USP31: variants seen among roughly 807,000 people sequenced by gnomAD.
USP31 encodes the protein ubiquitin carboxyl-terminal hydrolase 31.
In USP31, 44 loss-of-function variants were observed where a neutral mutation model predicts 119.4. The observed-to-expected ratio is 0.37, with a 90% CI of 0.29 to 0.47. USP31 has a LOEUF of 0.47. USP31 is among the 20% of genes least tolerant of loss of function. The pLI is 0.99. For missense variants in USP31, 1,643 were observed against 1,730.2 expected (o/e 0.95, Z 0.89); for synonymous variants, 749 against 705.6 (o/e 1.06, Z -0.97).
At position 23,068,163 on chromosome 16, in the gene USP31, G is replaced by A; in HGVS notation, c.3942C>T (p.Ser1314=). The A allele has an allele frequency of 6.2e-7, 1 of 1,614,180 alleles. No homozygotes were observed. The highest frequency in any genetic ancestry group is 1.1e-5 in the South Asian group (1 of 91,074). ...SLLSARKSKS[S]QLDSGVPSSP... is the part of the protein sequence containing the mutation. The stretch of plus-strand genomic sequence containing the variant: ...ACGAGGGAACTCCAGAGTCTAGTTG[G>A]GAAGACTTGGATTTGCGAGCGGACA... Residue 1314 remains serine (S), a synonymous_variant, in exon 16 of 16, where the codon TCC becomes TCT. Transcript: ENST00000219689.
chr16:23,087,906 C>A lies in USP31; in HGVS notation c.1416-71G>T, dbSNP rs3812995. The A allele has an allele frequency of 3.7e-6, 5 of 1,353,994 alleles. No individual in the cohort carries two copies. In the East Asian group the frequency reaches 9.3e-5, roughly 25 times the overall value. 83.9% of individuals were successfully genotyped at this position (1,353,994 alleles called of 1,614,324 possible). ...CTTTAACACTGTTATCTTTTTTTCT[C>A]GATCTCTTAAAACGGAATCACAATA... On this transcript the variant is annotated intron_variant, in intron 7 of 15. Coordinates refer to ENST00000219689, the MANE Select transcript of USP31 (RefSeq NM_020718.4).
rs1899833593 is a variant in USP31 at position 23,061,598 on chromosome 16, G to A, written c.*6448C>T. ...ACATACAAATAAATAACAGAAATCA[G>A]TGACACATCTCATGCACTTGTTCTA... On this transcript the variant is annotated 3_prime_UTR_variant, in exon 16 of 16. Coordinates refer to ENST00000219689, the MANE Select transcript of USP31 (RefSeq NM_020718.4). 1 of 152,598 alleles carries A rather than the reference G, an allele frequency of 6.6e-6. No individual in the cohort carries two copies. Among genetic ancestry groups the A allele is most frequent in the African/African-American group, 2.4e-5 (1 of 41,438 alleles). The allele number at this position is 152,598 out of a possible 1,614,324, so 9.5% of individuals were successfully genotyped here.
At chr16:23,088,713 G>A (rs1050177467) in intron 7 of USP31, among the ~76,000 whole-genome samples, 2 of 152,166 alleles carry the variant, frequency 1.3e-5, no homozygotes, top group Non-Finnish European at 2.9e-5. Context: ...CACCCTGTTG[G>A]CTTGTTCCCT....
In USP31 at chr16:23,063,207, T is replaced by A; in HGVS notation, c.*4839A>T. 1 of 152,194 alleles carries A rather than the reference T, an allele frequency of 6.6e-6. No individual in the cohort carries two copies. The highest frequency in any genetic ancestry group is 1.5e-5 in the Non-Finnish European group (1 of 68,044). The allele number at this position is 152,194 out of a possible 1,614,324, so 9.4% of individuals were successfully genotyped here. A position where few individuals can be genotyped will look rare whatever the true frequency, so the allele number is the denominator to read the frequency against. On this transcript the variant is annotated 3_prime_UTR_variant, in exon 16 of 16. Transcript: ENST00000219689. ...GTGAGATTCAAAAAAGTCTCTCAAA[T>A]TTGCTGTGCACCCCTTCTCCCAAAA...
chr16:23,083,201 A>T (rs901368897), intron 11 of USP31, among the ~76,000 whole-genome samples: 1 of 152,180 alleles, frequency 6.6e-6, no homozygotes, highest in Non-Finnish European at 1.5e-5. Flanking sequence ...CAGATGGAGT[A>T]CCTGCTCTCA....
chr16:23,086,628 C>T (rs1296766396), intron 9 of USP31, among the ~76,000 whole-genome samples: 1 of 152,116 alleles, frequency 6.6e-6, no homozygotes. Context: ...ATCATCTGTA[C>T]TTTAATGCTG....
chr16:23,090,643 T>C lies in USP31; in HGVS notation c.1396A>G (p.Thr466Ala), dbSNP rs776626131. Residue 466 changes from threonine to alanine, a missense_variant, in exon 7 of 16, where the codon ACT becomes GCT. This residue lies in a region of USP31 where 219 missense variants were observed against 226.4 expected (regional missense o/e 0.97). Coordinates refer to ENST00000219689, the MANE Select transcript of USP31 (RefSeq NM_020718.4). Reference sequence around the variant, plus strand: ...TCTCACCTTTTCCCTTGTTGCCCAGTGCAGGCTCGGTTACACACCAACAGG... The same window carrying C: ...TCTCACCTTTTCCCTTGTTGCCCAGCGCAGGCTCGGTTACACACCAACAGG... ...IVLLVCNRAC[T>A]GQQGKRFGLP... The C allele has an allele frequency of 1.2e-6, 2 of 1,613,136 alleles. No homozygotes were observed. The highest frequency in any genetic ancestry group is 1.7e-5 in the Admixed American group (1 of 59,994).
rs760839995 is a variant in USP31, at chr16:23,073,676, T to A, written c.2335+46A>T. On this transcript the variant is annotated intron_variant, in intron 14 of 15. Transcript: ENST00000219689. ...AGGTCCTCTAGACCATTCATTACAA[T>A]CTTTTGCTCTGGAAAAAACTGCCCA... The A allele has an allele frequency of 2.7e-5, 43 of 1,599,116 alleles. No homozygotes were observed. The East Asian group carries it at 7.2e-4, about 27-fold the overall frequency.
At chr16:23,114,746 T>C (rs992852853) in intron 1 of USP31, among the ~76,000 whole-genome samples, 1 of 152,148 alleles carries the variant, frequency 6.6e-6, no homozygotes, top group African/African-American at 2.4e-5. Flanking sequence ...ACGTCCACAA[T>C]ACTCGTAACT....
chr16:23,092,222 T>G (rs1038903064), intron 6 of USP31, among the ~76,000 whole-genome samples: 8 of 152,186 alleles, frequency 5.3e-5, no homozygotes, highest in Admixed American at 3.9e-4. Flanking sequence ...GCAGACTCAA[T>G]AAGGCAGTCT....
At chr16:23,134,085 TCTCTCA>T (rs950684071) in intron 1 of USP31, among the ~76,000 whole-genome samples, 1 of 112,346 alleles carries the variant, frequency 8.9e-6, no homozygotes, top group Non-Finnish European at 2.0e-5. Flanking sequence ...TCTCTCTCTC[TCTCTCA>T]CACACACACA....
At chr16:23,096,081 C>G (rs1209799631) in intron 6 of USP31, among the ~76,000 whole-genome samples, 1 of 152,048 alleles carries the variant, frequency 6.6e-6, no homozygotes, top group Non-Finnish European at 1.5e-5. Flanking sequence ...CATCAGTGTG[C>G]TGTATTCAGG....
At position 23,069,148 on chromosome 16, in the gene USP31, T is replaced by C; in HGVS notation, c.2957A>G (p.Asn986Ser). The C allele has an allele frequency of 6.2e-7, 1 of 1,614,034 alleles. No individual in the cohort carries two copies. ...CTGATCCACATAAGCGATCTGATTA[T>C]TGTTATCAAATGGACCAGAGAGCGG... ...LPPLSGPFDN[N>S]NQIAYVDQSD... The change falls in exon 16 of 16, where the codon AAT becomes AGT. Residue 986 changes from asparagine to serine, a missense_variant. By Grantham distance (46) the Asn-to-Ser change is conservative. This residue lies in a region of USP31 where 699 missense variants were observed against 650.9 expected (regional missense o/e 1.07). Transcript: ENST00000219689.
At position 23,064,073 on chromosome 16, in the gene USP31, A is replaced by C. The variant is rs1240116461; in HGVS notation, c.*3973T>G. On this transcript the variant is annotated 3_prime_UTR_variant, in exon 16 of 16. Coordinates refer to ENST00000219689, the MANE Select transcript of USP31 (RefSeq NM_020718.4). ...GTGATAGGTACTGGTTTGTCAGCAA[A>C]GTTTGCCTTTCTCAACTACAAATAA... 6.6e-6 allele frequency: 1 copy of C among 152,622 alleles called. No individual in the cohort carries two copies. Among genetic ancestry groups the C allele is most frequent in the African/African-American group, 2.4e-5 (1 of 41,446 alleles). The allele number at this position is 152,622 out of a possible 1,614,324, so 9.5% of individuals were successfully genotyped here.
chr16:23,098,747 GC>G (rs1901724755), intron 6 of USP31, among the ~76,000 whole-genome samples: 1 of 152,184 alleles, frequency 6.6e-6, no homozygotes, highest in South Asian at 2.1e-4. Flanking sequence ...AATAAATGGT[GC>G]TGGGAAAACT....
intron 13 of USP31, among the ~76,000 whole-genome samples, chr16:23,074,136 T>C (rs1283684412): frequency 6.6e-6 from 1 of 152,192 alleles, no homozygotes; most frequent in Non-Finnish European, 1.5e-5. Flanking sequence ...TTTAAACCAA[T>C]GGGTCTCAAC....
rs1026135219 is a variant in USP31, at chr16:23,078,181, G to C, written c.2176+1765C>G. On this transcript the variant is annotated intron_variant, in intron 13 of 15. Transcript: ENST00000219689. ...ACAAAAATTAGCTGGGTGTGGTGGTGTGTGCCTGTAGTCCCAGCTACTCGG... is the reference window on the plus strand; with the variant it reads ...ACAAAAATTAGCTGGGTGTGGTGGTCTGTGCCTGTAGTCCCAGCTACTCGG... Among the ~76,000 whole-genome samples the C allele has an allele frequency of 3.3e-5, 5 of 151,950 alleles. No individual in the cohort carries two copies. In the East Asian group the frequency reaches 7.8e-4, roughly 24 times the overall value.
intron 1 of USP31, among the ~76,000 whole-genome samples, chr16:23,135,963 G>C (rs1353508899): frequency 6.6e-6 from 1 of 151,966 alleles, no homozygotes; most frequent in East Asian, 1.9e-4. Context: ...AGAACAGTGG[G>C]GTAAAGATAC....
At position 23,066,356 on chromosome 16, in the gene USP31, CAA is replaced by C. The variant is rs1567221442; in HGVS notation, c.*1688_*1689del. The C allele has an allele frequency of 4.6e-5, 7 of 152,034 alleles. No homozygotes were observed. Among genetic ancestry groups the C allele is most frequent in the Non-Finnish European group, 7.4e-5 (5 of 67,982 alleles). 9.4% of individuals were successfully genotyped at this position (152,034 alleles called of 1,614,324 possible). A position where few individuals can be genotyped will look rare whatever the true frequency, so the allele number is the denominator to read the frequency against. ...TACCGGCTAATGCGCAAATTAGCAG[CAA>C]AATAAAGTTAAGTAACGTACTAAAA... On this transcript the variant is annotated 3_prime_UTR_variant, in exon 16 of 16. Coordinates refer to ENST00000219689, the MANE Select transcript of USP31 (RefSeq NM_020718.4).
Sources: allele counts gnomAD v4.1 joint callset (sites outside exome capture counted in the v4.1 genomes callset), GRCh38; gene constraint gnomAD v4.1.1; regional missense constraint gnomAD v4.1.1; transcripts MANE v1.5; gene names NCBI Gene and HGNC (gene_info 2026-07-23, HGNC 2026-07-21).